The following ZFYVE27 variants were observed in gnomAD, a reference collection of about 807,000 sequenced individuals.
The protein encoded by ZFYVE27 is zinc finger FYVE-type containing 27, also known as protrudin.
A neutral mutation model predicts 52.8 loss-of-function variants in ZFYVE27; 36 were observed. The ratio of observed to expected loss-of-function variants is 0.68; its 90% CI spans 0.52 to 0.90. The LOEUF (loss-of-function observed/expected upper bound fraction) is 0.90, where lower values mean the gene tolerates loss of function less well. Ranked by LOEUF, ZFYVE27 falls within the 40% of genes least tolerant of loss-of-function variation. ZFYVE27 has a pLI of 0.00. For synonymous variants in ZFYVE27, 223 were observed against 215.6 expected, an observed-to-expected ratio of 1.03 and a Z score of -0.30; for missense variants, 450 against 527.2, an observed-to-expected ratio of 0.85 and a Z score of 1.43.
chr10:97,747,531 A>G (rs1270139388), intron 4 of ZFYVE27, among the ~76,000 whole-genome samples: 3 of 152,148 alleles, frequency 2.0e-5, no homozygotes, highest in Admixed American at 2.0e-4. Flanking sequence ...CTTTCTTACT[A>G]TTATCAGTAT....
Position 97,749,486 on chromosome 10 carries a change from T to A in ZFYVE27, c.564T>A (p.Ala188=). The change falls in exon 6 of 13, where the codon GCT becomes GCA. Residue 188 remains alanine, a synonymous_variant. Transcript: ENST00000684270. ...CCCTGTCATCCAGGTTCTATGGGGCTCTTCTGGGCACAGTCTGCATGCTGT... is the reference window on the plus strand; with the variant it reads ...CCCTGTCATCCAGGTTCTATGGGGCACTTCTGGGCACAGTCTGCATGCTGT... The part of the protein sequence containing the change: ...NPVVSSQFYG[A]LLGTVCMLYL... 4 of 1,614,108 alleles carry A rather than the reference T, an allele frequency of 2.5e-6. No homozygotes were observed. Among genetic ancestry groups the A allele is most frequent in the Non-Finnish European group, 3.4e-6 (4 of 1,179,950 alleles).
Position 97,738,477 on chromosome 10 carries a change from G to A in ZFYVE27, c.-1G>A, listed in dbSNP as rs3818876. 927,012 of 1,613,308 alleles carry A rather than the reference G, an allele frequency of 0.57. 272,882 individuals carry two copies. The highest frequency in any genetic ancestry group is 0.61 in the Non-Finnish European group (717,812 of 1,179,646). ...ATGTTGGGAATTATTATGGTTACAG[G>A]ATGCAGACATCAGAACGTGAGGGGA... On this transcript the variant is annotated splice_region_variant and 5_prime_UTR_variant, in exon 2 of 13. Coordinates refer to ENST00000684270, the MANE Select transcript of ZFYVE27 (RefSeq NM_001385875.1).
At chr10:97,759,110 T>A (rs1310798115) in intron 12 of ZFYVE27, 126 bp from the exon 13 acceptor site, 6 of 978,174 alleles carry the variant, frequency 6.1e-6, no homozygotes, top group Non-Finnish European at 9.7e-6. Flanking sequence ...GCTAGCAAGC[T>A]GGGCAGGGAG....
chr10:97,742,095 A>G (rs1179911065), intron 2 of ZFYVE27, among the ~76,000 whole-genome samples: 2 of 149,986 alleles, frequency 1.3e-5, no homozygotes, highest in African/African-American at 4.9e-5. Context: ...GTGCCACTGC[A>G]CTCTAGTCTG....
intron 2 of ZFYVE27, 61 bp from the exon 3 acceptor site, chr10:97,743,033 G>A (rs2044165853): frequency 6.3e-7 from 1 of 1,582,948 alleles, no homozygotes; most frequent in Non-Finnish European, 8.7e-7. Flanking sequence ...GTGCTGCCTG[G>A]TCTCCCCTCC....
At position 97,738,640 on chromosome 10, in the gene ZFYVE27, A is replaced by T. The variant is rs778013482; in HGVS notation, c.163A>T (p.Lys55Ter). 1.1e-5 allele frequency: 18 copies of T among 1,614,084 alleles called. No homozygotes were observed. Residue 55 changes from lysine to a stop codon, truncating the protein, a stop_gained, in exon 2 of 13, where the codon AAG becomes TAG. Coordinates refer to ENST00000684270, the MANE Select transcript of ZFYVE27 (RefSeq NM_001385875.1). LOFTEE classifies it high-confidence loss of function. ...GCTGGAGATCTACCTGGAACCCTTG[A>T]AGGATGCAGGTGATGGTGTTCGATA... Reference protein sequence around the residue: ...KRLEIYLEPLKDAGDGVRYLL... With the variant: ...KRLEIYLEPL
Position 97,748,224 on chromosome 10 carries a change from C to T in ZFYVE27, c.456-45C>T, listed in dbSNP as rs757387918. The stretch of plus-strand genomic sequence containing the variant: ...CTGCAAGGCCCCAGGCTCCACTTCC[C>T]AGGGCTTCTGTCCTGCCCACTCACC... On this transcript the variant is annotated intron_variant, in intron 4 of 12. Transcript: ENST00000684270. 5.0e-6 allele frequency: 8 copies of T among 1,589,816 alleles called. No individual in the cohort carries two copies. The South Asian group carries it at 5.5e-5, about 11-fold the overall frequency.
At chr10:97,746,152 G>A (rs1590037437) in intron 4 of ZFYVE27, among the ~76,000 whole-genome samples, 2 of 150,944 alleles carry the variant, frequency 1.3e-5, no homozygotes, top group South Asian at 4.2e-4. Context: ...GTGTTCAGGC[G>A]ATTCTCGTGC....
chr10:97,748,666 C>T (rs566875620), intron 5 of ZFYVE27, among the ~76,000 whole-genome samples: 3 of 152,250 alleles, frequency 2.0e-5, no homozygotes, highest in South Asian at 2.1e-4. Flanking sequence ...ATCTACTTTA[C>T]GGATGTATAG....
intron 12 of ZFYVE27, chr10:97,758,070 T>G (rs2048843683): frequency 5.3e-6 from 1 of 189,932 alleles, no homozygotes; most frequent in South Asian, 1.7e-4. Flanking sequence ...TTTTCTTATT[T>G]CCTTGGCACT....
chr10:97,759,777 C>T lies in ZFYVE27; in HGVS notation c.*477C>T. The stretch of plus-strand genomic sequence containing the variant: ...TGCAGAAGGGCTTGGGAGTGCCACA[C>T]CCCATCTCTGCTGATTGAATGTCCC... On this transcript the variant is annotated 3_prime_UTR_variant, in exon 13 of 13. Coordinates refer to ENST00000684270, the MANE Select transcript of ZFYVE27 (RefSeq NM_001385875.1). 4.9e-6 allele frequency: 1 copy of T among 204,038 alleles called. No individual in the cohort carries two copies. The highest frequency in any genetic ancestry group is 1.0e-5 in the Non-Finnish European group (1 of 97,034). 12.6% of individuals were successfully genotyped at this position (204,038 alleles called of 1,614,324 possible).
At chr10:97,749,380 G>C (rs1590056781) in intron 5 of ZFYVE27, 94 bp from the exon 6 acceptor site, 1 of 900,468 alleles carries the variant, frequency 1.1e-6, no homozygotes, top group East Asian at 2.4e-5. Context: ...GCCCAGAGCT[G>C]TGTCTCACCT....
intron 12 of ZFYVE27, among the ~76,000 whole-genome samples, chr10:97,758,522 A>T (rs1048545838): frequency 3.3e-5 from 5 of 151,878 alleles, no homozygotes; most frequent in African/African-American, 1.2e-4. Context: ...GGGTTTCTCC[A>T]TGTTGGTCAG....
rs1010452831 is a variant in ZFYVE27, at chr10:97,740,669, A to C, written c.197+1995A>C. On this transcript the variant is annotated intron_variant, in intron 2 of 12. Coordinates refer to ENST00000684270, the MANE Select transcript of ZFYVE27 (RefSeq NM_001385875.1). ...GGATGCAGGAGGAGCATTGGACTTA[A>C]AAGCCCCCAGGAGCCTGCAGTTTCT... 4.6e-5 allele frequency among the ~76,000 whole-genome samples: 7 copies of C among 152,370 alleles called. No individual in the cohort carries two copies. The South Asian group carries it at 1.5e-3, about 32-fold the overall frequency.
intron 4 of ZFYVE27, among the ~76,000 whole-genome samples, chr10:97,747,057 T>C (rs949813439): frequency 6.6e-6 from 1 of 152,204 alleles, no homozygotes; most frequent in African/African-American, 2.4e-5. Context: ...TCATGTTTAA[T>C]TTTTTTATGT....
At chr10:97,749,732 C>A in intron 6 of ZFYVE27, 146 bp downstream of exon 6, 1 of 701,106 alleles carries the variant, frequency 1.4e-6, no homozygotes. Flanking sequence ...CTCTCATGGG[C>A]TCTGCATCTC....
intron 10 of ZFYVE27, 84 bp from the exon 11 acceptor site, chr10:97,757,181 G>A: frequency 6.3e-7 from 1 of 1,599,156 alleles, no homozygotes; most frequent in Non-Finnish European, 8.6e-7. Context: ...GGTGTCCTGA[G>A]TGTCCCATTT....
chr10:97,748,351 G>A lies in ZFYVE27; in HGVS notation c.538G>A (p.Val180Ile), dbSNP rs751379469. ...CCGCGTGCTGCACTGGGAGAACCCC[G>A]TCGTGTCCTCACAGTGAGTGACCCC... ...AYRVLHWENP[V>I]VSSQFYGALL... Residue 180 changes from valine (V) to isoleucine (I), a missense_variant, in exon 5 of 13, where the codon GTC becomes ATC. Physicochemically the swap from Val to Ile is conservative, Grantham distance 29 (BLOSUM62 3). Transcript: ENST00000684270. The A allele has an allele frequency of 7.4e-6, 12 of 1,613,932 alleles. No individual in the cohort carries two copies. The highest frequency in any genetic ancestry group is 9.3e-6 in the Non-Finnish European group (11 of 1,180,004).
intron 2 of ZFYVE27, among the ~76,000 whole-genome samples, chr10:97,741,072 G>A (rs1175384167): frequency 6.6e-6 from 1 of 152,182 alleles, no homozygotes; most frequent in Non-Finnish European, 1.5e-5. Context: ...CAGGTGGAGT[G>A]TGTTGAATTT....
Sources: allele counts gnomAD v4.1 joint callset (sites outside exome capture counted in the v4.1 genomes callset), GRCh38; gene constraint gnomAD v4.1.1; transcripts MANE v1.5; gene names NCBI Gene and HGNC (gene_info 2026-07-23, HGNC 2026-07-21).